The following PCDHA6 variants were observed in gnomAD, a reference collection of about 807,000 sequenced individuals.
PCDHA6 encodes the protein protocadherin alpha 6.
PCDHA6 carries 55 observed loss-of-function variants against 60.3 expected under a neutral mutation model. The ratio of observed to expected loss-of-function variants is 0.91; its 90% CI spans 0.73 to 1.14. The LOEUF is 1.14. Ranked by LOEUF, PCDHA6 falls within the 50% of genes most tolerant of loss-of-function variation. The pLI, the probability that PCDHA6 is intolerant of heterozygous loss-of-function variation, is 0.00. For synonymous variants in PCDHA6, 652 were observed against 557.9 expected (o/e 1.17, Z -2.38); for missense variants, 1,327 against 1,256.5 (o/e 1.06, Z -0.85).
chr5:140,857,445 A>G lies in PCDHA6; in HGVS notation c.2394+26960A>G, dbSNP rs144782261. The G allele has an allele frequency of 8.5e-5, 136 of 1,598,262 alleles. 10 individuals carry two copies. Among genetic ancestry groups the G allele is most frequent in the Non-Finnish European group, 1.1e-4 (128 of 1,167,832 alleles). ...GAGTACACGGTGTTCGTGAAGGAGA[A>G]CAACCCGCCAGGCTGCCACATCTTC... On this transcript the variant is annotated intron_variant, in intron 1 of 3. Transcript: ENST00000529310.
chr5:140,961,326 G>T (rs1450202899), intron 1 of PCDHA6, among the ~76,000 whole-genome samples: 1 of 152,154 alleles, frequency 6.6e-6, no homozygotes, highest in Admixed American at 6.5e-5. Flanking sequence ...TCTGTTTCTT[G>T]AGAGACCAAG....
chr5:140,883,826 C>G, intron 1 of PCDHA6: 1 of 1,612,622 alleles, frequency 6.2e-7, no homozygotes, highest in South Asian at 1.1e-5. Context: ...GGTGTACGCG[C>G]TGCAGCCGTT....
rs545473160 is a variant in PCDHA6 at position 140,873,172 on chromosome 5, G to C, written c.2394+42687G>C. ...CATAGACTTTAGATCGAGAGCTTTT[G>C]TATCATAATATTCATTGGCTAAAAA... On this transcript the variant is annotated intron_variant, in intron 1 of 3. Transcript: ENST00000529310. 2.6e-5 allele frequency among the ~76,000 whole-genome samples: 4 copies of C among 152,084 alleles called. No individual in the cohort carries two copies. In the South Asian group the frequency reaches 8.3e-4, roughly 32 times the overall value.
chr5:140,981,694 A>C (rs1407083166), intron 2 of PCDHA6, among the ~76,000 whole-genome samples: 1 of 151,154 alleles, frequency 6.6e-6, no homozygotes, highest in Non-Finnish European at 1.5e-5. Context: ...TCCATCATTC[A>C]TTCATTCATT....
intron 1 of PCDHA6, among the ~76,000 whole-genome samples, chr5:140,917,076 T>C (rs986884478): frequency 1.3e-5 from 2 of 152,124 alleles, no homozygotes; most frequent in East Asian, 3.9e-4. Flanking sequence ...CCGAGTTTAA[T>C]GTAAAGTTCC....
chr5:140,857,988 T>C lies in PCDHA6; in HGVS notation c.2394+27503T>C, dbSNP rs370495338. 30 of 1,596,780 alleles carry C rather than the reference T, an allele frequency of 1.9e-5. 3 individuals carry two copies. In the African/African-American group the frequency reaches 2.3e-4, roughly 12 times the overall value. On this transcript the variant is annotated intron_variant, in intron 1 of 3. Coordinates refer to ENST00000529310, the MANE Select transcript of PCDHA6 (RefSeq NM_018909.4). Reference sequence around the variant, plus strand: ...ACTGACTCGCCACGCCAGCGCCTACTGGTGCTGGTGAAGGACCATGGCGAG... The same window carrying C: ...ACTGACTCGCCACGCCAGCGCCTACCGGTGCTGGTGAAGGACCATGGCGAG...
chr5:140,974,613 G>A (rs1416866366), intron 1 of PCDHA6, among the ~76,000 whole-genome samples: 2 of 152,164 alleles, frequency 1.3e-5, no homozygotes, highest in African/African-American at 4.8e-5. Flanking sequence ...CAGGGTTCAA[G>A]CGATTCTCCT....
At chr5:140,972,740 T>G (rs2096553417) in intron 1 of PCDHA6, among the ~76,000 whole-genome samples, 1 of 149,910 alleles carries the variant, frequency 6.7e-6, no homozygotes, top group Admixed American at 6.8e-5. Flanking sequence ...CCCGGCTCAC[T>G]GCAACCTCCG....
At chr5:140,869,551 TCG>T in intron 1 of PCDHA6, 1 of 1,614,218 alleles carries the variant, frequency 6.2e-7, no homozygotes, top group Non-Finnish European at 8.5e-7. Context: ...GCAATCGGAC[TCG>T]CGTTTTCCAC....
chr5:140,869,758 A>AAACC, intron 1 of PCDHA6: 1 of 1,613,288 alleles, frequency 6.2e-7, no homozygotes, highest in Non-Finnish European at 8.5e-7. Context: ...AGACGGGGGA[A>AAACC]AACCAGAGCT....
intron 1 of PCDHA6, among the ~76,000 whole-genome samples, chr5:140,940,510 G>A (rs1477590604): frequency 4.0e-5 from 6 of 151,894 alleles, no homozygotes; most frequent in African/African-American, 9.7e-5. Context: ...TCGCTCAGGC[G>A]TGATCATAGC....
chr5:140,929,496 G>T, intron 1 of PCDHA6: 14 of 989,736 alleles, frequency 1.4e-5, no homozygotes, highest in Non-Finnish European at 1.8e-5. Context: ...TTAGAAGATT[G>T]CCCTAGGCCT....
chr5:140,919,982 G>A (rs2079388824), intron 1 of PCDHA6, among the ~76,000 whole-genome samples: 2 of 151,998 alleles, frequency 1.3e-5, no homozygotes, highest in Admixed American at 6.5e-5. Context: ...GATAGAAGAT[G>A]GAAAACAGAC....
At chr5:140,979,062 G>A in intron 2 of PCDHA6, 55 bp downstream of exon 2, 1 of 1,604,568 alleles carries the variant, frequency 6.2e-7, no homozygotes, top group Non-Finnish European at 8.5e-7. Flanking sequence ...GTATGGCTCA[G>A]ATAAACTGCA....
chr5:140,929,234 G>A (rs781843995), intron 1 of PCDHA6: 1 of 1,613,838 alleles, frequency 6.2e-7, no homozygotes, highest in Non-Finnish European at 8.5e-7. Flanking sequence ...GCCGACCTGC[G>A]AAATCTTGCC....
At chr5:140,966,645 C>A in intron 1 of PCDHA6, 1 of 1,125,650 alleles carries the variant, frequency 8.9e-7, no homozygotes, top group African/African-American at 1.7e-5. Context: ...CTTTCTAGAG[C>A]GTGAGCGGTG....
rs908218007 is a variant in PCDHA6 at position 140,929,518 on chromosome 5, T to C, written c.2395-49431T>C. On this transcript the variant is annotated intron_variant, in intron 1 of 3. Transcript: ENST00000529310. ...ATTGCCCTAGGCCTCAAGGGACTTA[T>C]AGTTTATTTTTGAGAAACAAGGGCA... 7 of 753,028 alleles carry C rather than the reference T, an allele frequency of 9.3e-6. No homozygotes were observed. The Admixed American group carries it at 1.2e-4, about 13-fold the overall frequency. The allele number at this position is 753,028 out of a possible 1,614,324, so 46.6% of individuals were successfully genotyped here. A position where few individuals can be genotyped will look rare whatever the true frequency, so the allele number is the denominator to read the frequency against.
chr5:140,945,001 G>GT (rs2093723326), intron 1 of PCDHA6, among the ~76,000 whole-genome samples: 1 of 151,990 alleles, frequency 6.6e-6, no homozygotes, highest in South Asian at 2.1e-4. Context: ...ACGGTTGTGG[G>GT]TCATGAATTA....
chr5:140,858,158 G>T lies in PCDHA6; in HGVS notation c.2394+27673G>T, dbSNP rs781899082. The T allele has an allele frequency of 5.6e-6, 9 of 1,597,732 alleles. 3 individuals carry two copies. Among genetic ancestry groups the T allele is most frequent in the Non-Finnish European group, 7.7e-6 (9 of 1,167,532 alleles). ...CGTGTACCTGATCATCGCCATCTGC[G>T]CGGTGTCCAGCTTGCTGGTGCTCAC... On this transcript the variant is annotated intron_variant, in intron 1 of 3. Coordinates refer to ENST00000529310, the MANE Select transcript of PCDHA6 (RefSeq NM_018909.4).
Sources: gnomAD v4.1 joint callset for allele counts (sites outside exome capture counted in the v4.1 genomes callset) on GRCh38, gnomAD v4.1.1 for gene constraint, MANE v1.5 for transcripts, NCBI Gene and HGNC (gene_info 2026-07-23, HGNC 2026-07-21) for gene names.